GPATCH2L: variants seen among roughly 807,000 people sequenced by gnomAD.
GPATCH2L encodes G patch domain-containing protein 2-like.
GPATCH2L carries 31 observed loss-of-function variants against 57.4 expected under a neutral mutation model. That is an observed-to-expected ratio of 0.54 (90% confidence interval 0.41 to 0.73). The LOEUF is 0.73. GPATCH2L is among the 30% of genes least tolerant of loss of function. GPATCH2L has a pLI of 0.00. For synonymous variants in GPATCH2L, 199 were observed against 210.7 expected (o/e 0.94, Z 0.48); for missense variants, 481 against 599.9 (o/e 0.80, Z 2.07).
Position 76,212,147 on chromosome 14 carries a change from GA to G in GPATCH2L, c.*10302del, listed in dbSNP as rs1216129470. ...GAAAAATTCAGACTGCTAATTATGA[GA>G]AAAAACATGTATGCACAACCAAACA... On this transcript the variant is annotated 3_prime_UTR_variant, in exon 10 of 10. Transcript: ENST00000261530. The G allele has an allele frequency of 6.6e-6, 1 of 151,870 alleles. No homozygotes were observed. Among genetic ancestry groups the G allele is most frequent in the Non-Finnish European group, 1.5e-5 (1 of 67,950 alleles). 9.4% of individuals were successfully genotyped at this position (151,870 alleles called of 1,614,324 possible).
At chr14:76,194,502 T>TGTGTGTGTGTGC (rs985038118) in intron 8 of GPATCH2L, among the ~76,000 whole-genome samples, 3 of 152,210 alleles carry the variant, frequency 2.0e-5, no homozygotes, top group African/African-American at 7.2e-5. Context: ...TGTGTGTGTG[T>TGTGTGTGTGTGC]GTGCACGCTC....
chr14:76,152,624 G>T (rs1397372908), intron 1 of GPATCH2L: 5 of 455,616 alleles, frequency 1.1e-5, no homozygotes, highest in Admixed American at 7.1e-5. Flanking sequence ...GTGCATCCGC[G>T]ACTGGAGATG....
chr14:76,196,507 TG>T (rs1371406722), intron 9 of GPATCH2L: 17 of 174,558 alleles, frequency 9.7e-5, no homozygotes, highest in Non-Finnish European at 1.7e-4. Context: ...TTCTCTTTGG[TG>T]GGGGGCAGTG....
downstream of GPATCH2L, among the ~76,000 whole-genome samples, chr14:76,216,235 G>C (rs1030796345): frequency 6.6e-6 from 1 of 151,342 alleles, no homozygotes; most frequent in Non-Finnish European, 1.5e-5. Context: ...AGGAAAAGCT[G>C]TTCCTGTCTC....
downstream of GPATCH2L, among the ~76,000 whole-genome samples, chr14:76,217,405 C>A (rs1225489450): frequency 6.6e-6 from 1 of 152,030 alleles, no homozygotes; most frequent in African/African-American, 2.4e-5. Flanking sequence ...GGCACCTCTG[C>A]TCTAAGTGTC....
intron 9 of GPATCH2L, among the ~76,000 whole-genome samples, chr14:76,200,280 T>G (rs2040277531): frequency 6.6e-6 from 1 of 152,212 alleles, no homozygotes; most frequent in Non-Finnish European, 1.5e-5. Context: ...GTGAATGTAC[T>G]TAATGCGACT....
rs1243620567 is a variant in GPATCH2L at position 76,154,047 on chromosome 14, T to TC, written c.-10-302dup. ...TTGGGGAAAAGAGAGAAGGATCTAG[T>TC]CCCCCGAATTTGTTTTGGGTCCTGT... On this transcript the variant is annotated intron_variant, in intron 1 of 9. Transcript: ENST00000261530. This position sits in a 1 kb window ranked among gnomAD's most constrained non-coding sequence, Gnocchi z 4.4. The TC allele has an allele frequency of 5.7e-5, 13 of 228,492 alleles. No individual in the cohort carries two copies. In the Admixed American group the frequency reaches 6.7e-4, roughly 12 times the overall value. 14.2% of individuals were successfully genotyped at this position (228,492 alleles called of 1,614,324 possible). A position where few individuals can be genotyped will look rare whatever the true frequency, so the allele number is the denominator to read the frequency against.
chr14:76,189,242 A>T (rs747029374), intron 8 of GPATCH2L, among the ~76,000 whole-genome samples: 9 of 152,098 alleles, frequency 5.9e-5, no homozygotes, highest in Non-Finnish European at 1.3e-4. Context: ...TCTGTGAAGA[A>T]TGTCACTGGT....
At chr14:76,218,653 T>C (rs1046884843), downstream of GPATCH2L, among the ~76,000 whole-genome samples, 1 of 151,866 alleles carries the variant, frequency 6.6e-6, no homozygotes, top group Non-Finnish European at 1.5e-5. Flanking sequence ...AAAAATTATA[T>C]AAATTAATTC....
At chr14:76,194,658 A>C (rs1443643936) in intron 8 of GPATCH2L, among the ~76,000 whole-genome samples, 1 of 152,200 alleles carries the variant, frequency 6.6e-6, no homozygotes, top group South Asian at 2.1e-4. Context: ...TTCCAGTTTT[A>C]AGACTACTAA....
At chr14:76,176,776 C>G in intron 6 of GPATCH2L, 86 bp downstream of exon 6, 1 of 847,008 alleles carries the variant, frequency 1.2e-6, no homozygotes, top group Non-Finnish European at 2.1e-6. Context: ...ACTTAGAAAT[C>G]AGGCTTCAGA....
At position 76,173,678 on chromosome 14, in the gene GPATCH2L, G is replaced by A. The variant is rs530845364; in HGVS notation, c.984+53G>A. ...CAGTGGGGAGATAATATTCCCTATG[G>A]GAGTTGTGTATCCTATTAACAATCA... On this transcript the variant is annotated intron_variant, in intron 5 of 9. Transcript: ENST00000261530. 3.3e-4 allele frequency: 362 copies of A among 1,092,492 alleles called. 1 individual carries two copies. The highest frequency in any genetic ancestry group is 4.7e-4 in the Non-Finnish European group (328 of 703,842). The allele number at this position is 1,092,492 out of a possible 1,614,324, so 67.7% of individuals were successfully genotyped here.
intron 8 of GPATCH2L, among the ~76,000 whole-genome samples, chr14:76,192,424 G>A (rs1344362417): frequency 6.6e-6 from 1 of 152,102 alleles, no homozygotes; most frequent in Admixed American, 6.5e-5. Context: ...AAGATATGAT[G>A]TTATTCTACC....
At chr14:76,234,236 CTG>C (rs1361274837) in intron 2 of GPATCH2L, among the ~76,000 whole-genome samples, 4 of 152,222 alleles carry the variant, frequency 2.6e-5, no homozygotes, top group Admixed American at 1.3e-4. Flanking sequence ...CCCTCTCTCT[CTG>C]TCTCTTTCTC....
Position 76,173,607 on chromosome 14 carries a change from A to G in GPATCH2L, c.966A>G (p.Arg322=), listed in dbSNP as rs535704138. ...CAGCTCGATGCCTCAGAAAGGGGCG[A>G]AGAAGGCTGGTTGGGAAGGTGATAC... ...GAAARCLRKG[R]RRLVGKETSI... Residue 322 remains arginine (R), a synonymous_variant, in exon 5 of 10, where the codon CGA becomes CGG. Coordinates refer to ENST00000261530, the MANE Select transcript of GPATCH2L (RefSeq NM_017926.4). The G allele has an allele frequency of 6.2e-7, 1 of 1,610,202 alleles. No individual in the cohort carries two copies. The highest frequency in any genetic ancestry group is 1.7e-5 in the Admixed American group (1 of 60,008).
In GPATCH2L at chr14:76,207,043, G is replaced by A. The variant is rs1391032707; in HGVS notation, c.*5192G>A. On this transcript the variant is annotated 3_prime_UTR_variant, in exon 10 of 10. Coordinates refer to ENST00000261530, the MANE Select transcript of GPATCH2L (RefSeq NM_017926.4). The stretch of plus-strand genomic sequence containing the variant: ...TTGAAAATGGATAAAGCCTGGGTGT[G>A]GTGACTCACGCCCATAATCCCAACA... 6.6e-6 allele frequency: 1 copy of A among 152,216 alleles called. No individual in the cohort carries two copies. The highest frequency in any genetic ancestry group is 1.5e-5 in the Non-Finnish European group (1 of 68,070). 9.4% of individuals were successfully genotyped at this position (152,216 alleles called of 1,614,324 possible). A position where few individuals can be genotyped will look rare whatever the true frequency, so the allele number is the denominator to read the frequency against.
intron 9 of GPATCH2L, 37 bp downstream of exon 9, chr14:76,196,009 C>T (rs764561129): frequency 3.5e-5 from 49 of 1,412,118 alleles, no homozygotes; most frequent in South Asian, 3.0e-4. Flanking sequence ...GAGCATGTAC[C>T]GTGTGCCAGG....
Position 76,207,658 on chromosome 14 carries a change from G to C in GPATCH2L, c.*5807G>C, listed in dbSNP as rs117078805. 6.6e-6 allele frequency: 1 copy of C among 152,126 alleles called. No individual in the cohort carries two copies. The highest frequency in any genetic ancestry group is 1.5e-5 in the Non-Finnish European group (1 of 68,036). 9.4% of individuals were successfully genotyped at this position (152,126 alleles called of 1,614,324 possible). On this transcript the variant is annotated 3_prime_UTR_variant, in exon 10 of 10. Coordinates refer to ENST00000261530, the MANE Select transcript of GPATCH2L (RefSeq NM_017926.4). Reference sequence around the variant, plus strand: ...CAGAGCATGTAAAAATCAATTTTCTGTGATCCCACTTAATCACACCGTGTT... The same window carrying C: ...CAGAGCATGTAAAAATCAATTTTCTCTGATCCCACTTAATCACACCGTGTT...
intron 2 of GPATCH2L, among the ~76,000 whole-genome samples, chr14:76,231,972 A>AG (rs1292391114): frequency 8.6e-5 from 13 of 150,966 alleles, no homozygotes; most frequent in Admixed American, 2.0e-4. Flanking sequence ...ATCTCACTGC[A>AG]GCCTCACTGC....
Sources: gnomAD v4.1 joint callset for allele counts (sites outside exome capture counted in the v4.1 genomes callset) on GRCh38, gnomAD v4.1.1 for gene constraint, Gnocchi (gnomAD v3.1) non-coding constraint, MANE v1.5 for transcripts, NCBI Gene and HGNC (gene_info 2026-07-23, HGNC 2026-07-21) for gene names.